SETD7: variants seen among roughly 807,000 people sequenced by gnomAD.
The protein encoded by SETD7 is SET domain containing 7, histone lysine methyltransferase, also known as histone-lysine N-methyltransferase SETD7.
SETD7 carries 16 observed loss-of-function variants against 41.8 expected under a neutral mutation model. That is an observed-to-expected ratio of 0.38 (90% CI 0.26 to 0.58). SETD7 has a LOEUF of 0.58. Among genes scored for constraint, SETD7 ranks in the 20% least tolerant of loss-of-function variants. SETD7 has a pLI of 0.64. For synonymous variants in SETD7, 163 were observed against 169.7 expected (o/e 0.96, Z 0.31); for missense variants, 346 against 459.7 (o/e 0.75, Z 2.26).
At chr4:139,531,864 G>C (rs1248797893) in intron 3 of SETD7, among the ~76,000 whole-genome samples, 1 of 152,162 alleles carries the variant, frequency 6.6e-6, no homozygotes, top group Non-Finnish European at 1.5e-5. Flanking sequence ...GCCGAGGCAA[G>C]GAAATCATCT....
At chr4:139,496,163 T>G in exon 8 of SETD7, 1 of 465,366 alleles carries the variant, frequency 2.1e-6, no homozygotes, top group Non-Finnish European at 3.8e-6. Flanking sequence ...CAAGTCCTGC[T>G]GGTTTGAGGG....
At chr4:139,529,812 C>A (rs527600774) in intron 3 of SETD7, among the ~76,000 whole-genome samples, 2 of 152,270 alleles carry the variant, frequency 1.3e-5, no homozygotes, top group African/African-American at 4.8e-5. Flanking sequence ...CTGGACACTG[C>A]CTTTCTGAGA....
Position 139,511,755 on chromosome 4 carries a change from A to G in SETD7, c.1009T>C (p.Tyr337His). 1 of 1,614,166 alleles carries G rather than the reference A, an allele frequency of 6.2e-7. No individual in the cohort carries two copies. The highest frequency in any genetic ancestry group is 8.5e-7 in the Non-Finnish European group (1 of 1,180,014). Residue 337 changes from tyrosine to histidine, a missense_variant, in exon 8 of 8, where the codon TAT becomes CAT. Transcript: ENST00000274031. ...ADEELTVAYG[Y>H]DHSPPGKSGP... ...CTCTTCCCGGGGGGGCTGTGGTCATAGCCATAGGCAACGGTGAGCTCTTCA... is the reference window on the plus strand; with the variant it reads ...CTCTTCCCGGGGGGGCTGTGGTCATGGCCATAGGCAACGGTGAGCTCTTCA...
rs180784399 is a variant in SETD7, at chr4:139,536,838, A to C, written c.171-3472T>G. Among the ~76,000 whole-genome samples the C allele has an allele frequency of 6.2e-3, 937 of 152,322 alleles. 3 individuals carry two copies. The highest frequency in any genetic ancestry group is 9.7e-3 in the Non-Finnish European group (660 of 68,032). On this transcript the variant is annotated intron_variant, in intron 2 of 7. Coordinates refer to ENST00000274031, the MANE Select transcript of SETD7 (RefSeq NM_030648.4). ...GCCAACATGGTGAAACCCTGTCTCCACTAAAAATACAAAAATTAGCCGGAC... is the reference window on the plus strand; with the variant it reads ...GCCAACATGGTGAAACCCTGTCTCCCCTAAAAATACAAAAATTAGCCGGAC...
At chr4:139,538,985 G>T (rs535597932) in intron 2 of SETD7, among the ~76,000 whole-genome samples, 97 of 152,238 alleles carry the variant, frequency 6.4e-4, no homozygotes, top group African/African-American at 2.2e-3. Context: ...CAAAGAAATG[G>T]ATAAATTTTA....
In SETD7 at chr4:139,533,309, G is replaced by C; in HGVS notation, c.228C>G (p.Tyr76Ter). The C allele has an allele frequency of 6.2e-7, 1 of 1,614,080 alleles. No individual in the cohort carries two copies. The highest frequency in any genetic ancestry group is 8.5e-7 in the Non-Finnish European group (1 of 1,180,010). ...DALQGQGVYT[Y>*]EDGGVLQGTY... ...TGCCCTGGAGAACTCCCCCATCTTC[G>C]TAAGTGTAAACTCCCTGGCCCTGCA... Residue 76 changes from tyrosine to a stop codon, truncating the protein, a stop_gained, in exon 3 of 8, where the codon TAC becomes TAG. Coordinates refer to ENST00000274031, the MANE Select transcript of SETD7 (RefSeq NM_030648.4). LOFTEE classifies it high-confidence loss of function.
At chr4:139,549,232 T>C (rs985824993) in intron 1 of SETD7, among the ~76,000 whole-genome samples, 1 of 152,236 alleles carries the variant, frequency 6.6e-6, no homozygotes, top group Non-Finnish European at 1.5e-5. Flanking sequence ...TTCAGAGTTT[T>C]AAAAGCTTAT....
chr4:139,515,493 G>A (rs758912344), intron 7 of SETD7, among the ~76,000 whole-genome samples: 27 of 152,190 alleles, frequency 1.8e-4, no homozygotes, highest in Non-Finnish European at 3.7e-4. Context: ...TAAAGGAGTG[G>A]TCTTAAGTAG....
At chr4:139,495,673 C>T (rs1026693076), downstream of SETD7, among the ~76,000 whole-genome samples, 12 of 152,182 alleles carry the variant, frequency 7.9e-5, no homozygotes, top group African/African-American at 2.9e-4. Context: ...ATCCAGTTAC[C>T]TCCCATCAGA....
At chr4:139,500,036 A>G (rs940054790) in intron 7 of SETD7, among the ~76,000 whole-genome samples, 1 of 152,234 alleles carries the variant, frequency 6.6e-6, no homozygotes, top group African/African-American at 2.4e-5. Flanking sequence ...CCTTTGGATC[A>G]TCATTCTAAA....
chr4:139,522,741 C>CTTTTTTT (rs11357611), intron 5 of SETD7, among the ~76,000 whole-genome samples: 10 of 93,452 alleles, frequency 1.1e-4, no homozygotes, highest in Non-Finnish European at 1.2e-4. Flanking sequence ...CCCAGCTGCT[C>CTTTTTTT]TTTTTTTTTT....
At chr4:139,518,190 G>T in intron 6 of SETD7, 148 bp from the exon 7 acceptor site, 1 of 816,736 alleles carries the variant, frequency 1.2e-6, no homozygotes, top group Non-Finnish European at 1.8e-6. Flanking sequence ...CGCAAGTAGC[G>T]TGATCTTGGC....
chr4:139,549,828 A>G (rs1728063110), intron 1 of SETD7, among the ~76,000 whole-genome samples: 1 of 152,010 alleles, frequency 6.6e-6, no homozygotes, highest in Admixed American at 6.6e-5. Context: ...TCCAGACTGG[A>G]GTGCAATGGT....
At chr4:139,505,604 C>T (rs373090797), downstream of SETD7, among the ~76,000 whole-genome samples, 84 of 151,462 alleles carry the variant, frequency 5.5e-4, 1 homozygote, top group East Asian at 6.3e-3. Flanking sequence ...AAAAAAAAAA[C>T]GGAAATGTTG....
chr4:139,542,980 A>G (rs1328735932), intron 2 of SETD7, among the ~76,000 whole-genome samples: 1 of 152,194 alleles, frequency 6.6e-6, no homozygotes, highest in Non-Finnish European at 1.5e-5. Context: ...CCATTACTAC[A>G]CTGTGATTTT....
intron 2 of SETD7, chr4:139,546,259 T>C (rs1727941624): frequency 6.4e-6 from 1 of 155,188 alleles, no homozygotes; most frequent in African/African-American, 2.4e-5. Flanking sequence ...ATTTAAAAAA[T>C]TGAAGTCTAG....
At chr4:139,496,697 C>G (rs1382965541) in intron 7 of SETD7, among the ~76,000 whole-genome samples, 1 of 152,154 alleles carries the variant, frequency 6.6e-6, no homozygotes, top group Non-Finnish European at 1.5e-5. Flanking sequence ...GTCAGAGGCT[C>G]TAAGGCTGGA....
rs1726707803 is a variant in SETD7 at position 139,506,499 on chromosome 4, G to C, written c.*5164C>G. On this transcript the variant is annotated 3_prime_UTR_variant, in exon 8 of 8. Transcript: ENST00000274031. ...TTGAAGAAGGGAGCTCAGAATCATG[G>C]ACATAATTTTCCTATGTGATAAGCA... is the stretch of plus-strand genomic sequence containing the variant. The C allele has an allele frequency of 6.6e-6, 1 of 152,544 alleles. No homozygotes were observed. The highest frequency in any genetic ancestry group is 1.5e-5 in the Non-Finnish European group (1 of 68,028). 9.4% of individuals were successfully genotyped at this position (152,544 alleles called of 1,614,324 possible).
At chr4:139,497,156 G>C (rs1445966464) in intron 7 of SETD7, among the ~76,000 whole-genome samples, 1 of 152,120 alleles carries the variant, frequency 6.6e-6, no homozygotes, top group Non-Finnish European at 1.5e-5. Flanking sequence ...TGAAATTTGG[G>C]CTCATTTAAA....
Sources: allele counts gnomAD v4.1 joint callset (sites outside exome capture counted in the v4.1 genomes callset), GRCh38; gene constraint gnomAD v4.1.1; transcripts MANE v1.5; gene names NCBI Gene and HGNC (gene_info 2026-07-23, HGNC 2026-07-21).